Variants in PPFIA1 observed in about 807,000 individuals in gnomAD.
PPFIA1 encodes liprin-alpha-1.
A neutral mutation model predicts 149.9 loss-of-function variants in PPFIA1; 25 were observed. The observed-to-expected ratio is 0.17, with a 90% confidence interval of 0.12 to 0.23. PPFIA1 has a LOEUF of 0.23. PPFIA1 is among the 10% of genes least tolerant of loss of function. The pLI, the probability that PPFIA1 is intolerant of heterozygous loss-of-function variation, is 1.00. For synonymous variants in PPFIA1, 549 were observed against 552.8 expected (o/e 0.99, Z 0.10); for missense variants, 1,362 against 1,506.5 (o/e 0.90, Z 1.59).
chr11:70,377,957 A>G, intron 25 of PPFIA1, 73 bp from the exon 26 acceptor site: 1 of 1,188,846 alleles, frequency 8.4e-7, no homozygotes, highest in Admixed American at 2.1e-5. Flanking sequence ...AGTCATTTTA[A>G]AGGACATGTA....
At chr11:70,344,531 G>T (rs1289934493) in intron 15 of PPFIA1, among the ~76,000 whole-genome samples, 1 of 152,228 alleles carries the variant, frequency 6.6e-6, no homozygotes, top group Non-Finnish European at 1.5e-5. Context: ...AAAGGAGCGC[G>T]TTGCTATCAC....
chr11:70,281,897 G>A (rs767714346), intron 2 of PPFIA1, among the ~76,000 whole-genome samples: 1 of 152,152 alleles, frequency 6.6e-6, no homozygotes, highest in Non-Finnish European at 1.5e-5. Flanking sequence ...GCCACCCCGC[G>A]TATCACTGAA....
In PPFIA1 at chr11:70,288,710, G is replaced by A. The variant is rs536008314; in HGVS notation, c.264+16274G>A. Among the ~76,000 whole-genome samples the A allele has an allele frequency of 5.9e-5, 9 of 152,258 alleles. 1 individual carries two copies. In the South Asian group the frequency reaches 1.7e-3, roughly 28 times the overall value. On this transcript the variant is annotated intron_variant, in intron 2 of 27. Transcript: ENST00000253925. ...AGGACACTGCATATTAGAGTCAGGC[G>A]TCGTCATTACTCCTTGGATGCTCAT...
At chr11:70,352,056 C>T (rs1039917882) in intron 16 of PPFIA1, among the ~76,000 whole-genome samples, 6 of 152,182 alleles carry the variant, frequency 3.9e-5, no homozygotes, top group Non-Finnish European at 5.9e-5. Flanking sequence ...GTTTGAAACC[C>T]GCCTGATGGT....
At chr11:70,295,562 AC>A (rs1244563087) in intron 2 of PPFIA1, among the ~76,000 whole-genome samples, 1 of 87,888 alleles carries the variant, frequency 1.1e-5, no homozygotes, top group African/African-American at 4.6e-5. Context: ...CGGGGGGCTG[AC>A]CCCCCCACCT....
intron 21 of PPFIA1, chr11:70,365,906 T>C (rs1300078286): frequency 4.4e-6 from 2 of 456,418 alleles, no homozygotes. Flanking sequence ...TACTAATAGT[T>C]ATGTTCTTTT....
Position 70,375,018 on chromosome 11 carries a change from A to G in PPFIA1, c.3240A>G (p.Ala1080=). The G allele has an allele frequency of 1.2e-6, 2 of 1,613,892 alleles. No homozygotes were observed. The highest frequency in any genetic ancestry group is 1.7e-6 in the Non-Finnish European group (2 of 1,179,964). ...TTATAGAGAGTGGTGTTCACGGAGC[A>G]CTTCTGGCCTTAGATGAAACCTTCG... is the stretch of plus-strand genomic sequence containing the variant. ...NNLIESGVHG[A]LLALDETFDF... Residue 1080 remains alanine, a synonymous_variant, in exon 24 of 28, where the codon GCA becomes GCG. Coordinates refer to ENST00000253925, the MANE Select transcript of PPFIA1 (RefSeq NM_003626.5).
In PPFIA1 at chr11:70,272,176, A is replaced by T; in HGVS notation, c.4A>T (p.Met2Leu). 1 of 1,612,990 alleles carries T rather than the reference A, an allele frequency of 6.2e-7. No homozygotes were observed. Among genetic ancestry groups the T allele is most frequent in the Non-Finnish European group, 8.5e-7 (1 of 1,179,852 alleles). ...AGCCTGGGTCTTTCATTTCAAGATG[A>T]TGTGCGAGGTGATGCCGACCATCAG... M[M>L]CEVMPTISEA... The change falls in exon 2 of 28, where the codon ATG becomes TTG. Residue 2 changes from methionine to leucine, a missense_variant. By Grantham distance (15) the Met-to-Leu change is conservative (BLOSUM62 2). Coordinates refer to ENST00000253925, the MANE Select transcript of PPFIA1 (RefSeq NM_003626.5).
chr11:70,354,172 GA>G (rs1244504478), intron 16 of PPFIA1, 128 bp from the exon 17 acceptor site: 3 of 1,006,152 alleles, frequency 3.0e-6, no homozygotes. Context: ...GTGCCAGACT[GA>G]AACAAGACTT....
In PPFIA1 at chr11:70,278,981, A is replaced by G. The variant is rs1043652095; in HGVS notation, c.264+6545A>G. On this transcript the variant is annotated intron_variant, in intron 2 of 27. Transcript: ENST00000253925. ...GGATGTGTGGAATGACACCTTTACC[A>G]GCAATTGTAGACTTGAAGAGAGAGC... The G allele has an allele frequency of 4.6e-5, 27 of 593,326 alleles. No individual in the cohort carries two copies. In the East Asian group the frequency reaches 9.0e-4, roughly 20 times the overall value. 36.8% of individuals were successfully genotyped at this position (593,326 alleles called of 1,614,324 possible). A position where few individuals can be genotyped will look rare whatever the true frequency, so the allele number is the denominator to read the frequency against.
In PPFIA1 at chr11:70,375,016, G is replaced by C; in HGVS notation, c.3238G>C (p.Ala1080Pro). ...TCTTATAGAGAGTGGTGTTCACGGA[G>C]CACTTCTGGCCTTAGATGAAACCTT... ...NNLIESGVHG[A>P]LLALDETFDF... Residue 1080 changes from alanine to proline, a missense_variant, in exon 24 of 28, where the codon GCA becomes CCA. Coordinates refer to ENST00000253925, the MANE Select transcript of PPFIA1 (RefSeq NM_003626.5). 6.2e-7 allele frequency: 1 copy of C among 1,613,878 alleles called. No homozygotes were observed. The highest frequency in any genetic ancestry group is 8.5e-7 in the Non-Finnish European group (1 of 1,179,976).
At chr11:70,290,655 G>A (rs2051463802) in intron 2 of PPFIA1, among the ~76,000 whole-genome samples, 8 of 152,140 alleles carry the variant, frequency 5.3e-5, no homozygotes, top group Admixed American at 5.2e-4. Flanking sequence ...CTTATTCGGA[G>A]GAGGAAATTT....
chr11:70,342,350 G>C (rs1324874541), intron 14 of PPFIA1, among the ~76,000 whole-genome samples: 1 of 152,182 alleles, frequency 6.6e-6, no homozygotes, highest in Admixed American at 6.5e-5. Context: ...CGCCAGTTGG[G>C]AGTGAGAATG....
Position 70,371,929 on chromosome 11 carries a change from C to G in PPFIA1, c.2866-286C>G, listed in dbSNP as rs577545263. 4.7e-5 allele frequency: 11 copies of G among 235,132 alleles called. 1 individual carries two copies. The highest frequency in any genetic ancestry group is 2.1e-4 in the Admixed American group (4 of 19,490). 14.6% of individuals were successfully genotyped at this position (235,132 alleles called of 1,614,324 possible). A position where few individuals can be genotyped will look rare whatever the true frequency, so the allele number is the denominator to read the frequency against. ...GTCACATTATTATACTAAAAACTATCTCAGAGAGGAAATTTATAGCCAGTT... is the reference window on the plus strand; with the variant it reads ...GTCACATTATTATACTAAAAACTATGTCAGAGAGGAAATTTATAGCCAGTT... On this transcript the variant is annotated intron_variant, in intron 21 of 27. Transcript: ENST00000253925.
chr11:70,311,290 A>G (rs1489695226), intron 2 of PPFIA1, among the ~76,000 whole-genome samples: 1 of 151,236 alleles, frequency 6.6e-6, no homozygotes, highest in Admixed American at 6.6e-5. Flanking sequence ...CCTGGACAGC[A>G]AGAGTGAAAC....
intron 21 of PPFIA1, chr11:70,367,636 C>G (rs1008796569): frequency 2.2e-6 from 1 of 454,666 alleles, no homozygotes; most frequent in African/African-American, 2.0e-5. Context: ...AGAGGTGGGT[C>G]TCCCTGGGAT....
chr11:70,321,801 G>C (rs2053960728), intron 2 of PPFIA1, among the ~76,000 whole-genome samples: 1 of 152,220 alleles, frequency 6.6e-6, no homozygotes, highest in Admixed American at 6.5e-5. Context: ...TCAAGGTCCT[G>C]AATTCAGGCA....
chr11:70,382,215 C>T (rs2057739181), intron 27 of PPFIA1, 57 bp downstream of exon 27: 22 of 1,401,562 alleles, frequency 1.6e-5, no homozygotes, highest in South Asian at 1.6e-4. Flanking sequence ...CAGGAGTCAT[C>T]GGAGCTGCAG....
Position 70,372,200 on chromosome 11 carries a change from A to G in PPFIA1, c.2866-15A>G, listed in dbSNP as rs187773554. ...ACTTCCTCTGTAACTGACCTTTTCC[A>G]TTTATGAAAAGCAGACACTCGCCTA... On this transcript the variant is annotated splice_polypyrimidine_tract_variant and intron_variant, in intron 21 of 27. Coordinates refer to ENST00000253925, the MANE Select transcript of PPFIA1 (RefSeq NM_003626.5). The G allele has an allele frequency of 2.4e-4, 379 of 1,587,732 alleles. 1 individual carries two copies. The African/African-American group carries it at 3.5e-3, about 15-fold the overall frequency.
Sources: gnomAD v4.1 joint callset for allele counts (sites outside exome capture counted in the v4.1 genomes callset) on GRCh38, gnomAD v4.1.1 for gene constraint, MANE v1.5 for transcripts, NCBI Gene and HGNC (gene_info 2026-07-23, HGNC 2026-07-21) for gene names.